DPYD: variants seen among roughly 807,000 people sequenced by gnomAD.
The protein encoded by DPYD is dihydropyrimidine dehydrogenase [NADP(+)].
DPYD carries 109 observed loss-of-function variants against 116.2 expected under a neutral mutation model. The observed-to-expected ratio is 0.94, with a 90% CI of 0.80 to 1.10. The LOEUF (loss-of-function observed/expected upper bound fraction) is 1.10, where lower values mean the gene tolerates loss of function less well. Ranked by LOEUF, DPYD falls within the 50% of genes least tolerant of loss-of-function variation. The pLI, the probability that DPYD is intolerant of heterozygous loss-of-function variation, is 0.00. For missense variants in DPYD, 1,302 were observed against 1,254.5 expected, an observed-to-expected ratio of 1.04 and a Z score of -0.57; for synonymous variants, 440 against 432.0, an observed-to-expected ratio of 1.02 and a Z score of -0.23.
At chr1:97,442,554 AAAG>A (rs1485424764) in intron 14 of DPYD, among the ~76,000 whole-genome samples, 1 of 151,986 alleles carries the variant, frequency 6.6e-6, no homozygotes, top group Non-Finnish European at 1.5e-5. Context: ...GATACCAAGA[AAAG>A]AACTCACTAT....
intron 2 of DPYD, among the ~76,000 whole-genome samples, chr1:97,839,804 T>C (rs2101529845): frequency 6.6e-6 from 1 of 152,290 alleles, no homozygotes; most frequent in South Asian, 2.1e-4. Context: ...TAATTCACAA[T>C]CCACTAGCAA....
intron 16 of DPYD, among the ~76,000 whole-genome samples, chr1:97,324,024 G>A (rs1461898881): frequency 6.6e-6 from 1 of 151,948 alleles, no homozygotes; most frequent in Non-Finnish European, 1.5e-5. Flanking sequence ...TGGTTAAATT[G>A]TATTTGTGGT....
At chr1:97,638,737 T>TGA (rs1657711173) in intron 8 of DPYD, among the ~76,000 whole-genome samples, 3 of 151,904 alleles carry the variant, frequency 2.0e-5, no homozygotes, top group Admixed American at 6.6e-5. Flanking sequence ...TGTCACACGG[T>TGA]GAGAGAGAGA....
At chr1:97,454,062 T>C (rs901210815) in intron 13 of DPYD, among the ~76,000 whole-genome samples, 4 of 152,150 alleles carry the variant, frequency 2.6e-5, no homozygotes, top group East Asian at 1.9e-4. Flanking sequence ...GTTAGCATCA[T>C]AGAAATTCAA....
intron 7 of DPYD, among the ~76,000 whole-genome samples, chr1:97,681,752 A>C (rs1226855856): frequency 1.3e-5 from 2 of 152,146 alleles, no homozygotes; most frequent in Non-Finnish European, 2.9e-5. Context: ...TTGTTTTATG[A>C]ATCAAATACC....
intron 3 of DPYD, among the ~76,000 whole-genome samples, chr1:97,767,320 C>G (rs1393820401): frequency 6.6e-6 from 1 of 152,112 alleles, no homozygotes; most frequent in Non-Finnish European, 1.5e-5. Context: ...TTTTTTTACC[C>G]TTCCCTGTAT....
chr1:97,699,619 T>C, intron 5 of DPYD, 72 bp from the exon 6 acceptor site: 1 of 1,441,804 alleles, frequency 6.9e-7, no homozygotes, highest in Non-Finnish European at 9.7e-7. Flanking sequence ...TTTTAATGTT[T>C]CAAACGAATT....
intron 5 of DPYD, chr1:97,720,425 G>A (rs745784340): frequency 5.5e-5 from 54 of 985,912 alleles, no homozygotes; most frequent in Admixed American, 6.2e-5. Context: ...ATCATACTTC[G>A]TAGTGGTCAG....
intron 15 of DPYD, among the ~76,000 whole-genome samples, chr1:97,378,472 G>A (rs1159254970): frequency 6.6e-6 from 1 of 152,096 alleles, no homozygotes; most frequent in Non-Finnish European, 1.5e-5. Context: ...GTGGTCACTT[G>A]GTTTTAATGC....
At chr1:97,758,933 T>C (rs1171499774) in intron 3 of DPYD, among the ~76,000 whole-genome samples, 2 of 152,204 alleles carry the variant, frequency 1.3e-5, no homozygotes, top group Non-Finnish European at 2.9e-5. Context: ...CTAAGCCACT[T>C]AATCTTTCTA....
chr1:97,806,809 C>T (rs1272037496), intron 3 of DPYD, among the ~76,000 whole-genome samples: 1 of 151,884 alleles, frequency 6.6e-6, no homozygotes, highest in Non-Finnish European at 1.5e-5. Flanking sequence ...TCCTCTGTGC[C>T]TCACCTATTC....
intron 18 of DPYD, among the ~76,000 whole-genome samples, chr1:97,263,542 G>A (rs943973941): frequency 1.3e-5 from 2 of 152,054 alleles, no homozygotes; most frequent in Non-Finnish European, 2.9e-5. Context: ...GTGAGGTTTT[G>A]AAGCTTATAT....
intron 5 of DPYD, among the ~76,000 whole-genome samples, chr1:97,701,910 T>G (rs1384890697): frequency 6.6e-6 from 1 of 151,770 alleles, no homozygotes; most frequent in South Asian, 2.1e-4. Flanking sequence ...ATATTCAGTG[T>G]TTTTATACAT....
chr1:97,625,430 A>G (rs1490674655), intron 8 of DPYD, among the ~76,000 whole-genome samples: 3 of 152,046 alleles, frequency 2.0e-5, no homozygotes. Flanking sequence ...TGATGACAGA[A>G]TGACTATAGA....
chr1:97,520,019 C>A, intron 12 of DPYD, among the ~76,000 whole-genome samples: 1 of 152,182 alleles, frequency 6.6e-6, no homozygotes, highest in South Asian at 2.1e-4. Context: ...GCATTAACTT[C>A]CCCATATTTT....
intron 13 of DPYD, among the ~76,000 whole-genome samples, chr1:97,472,000 A>T (rs1015841118): frequency 2.0e-5 from 3 of 152,230 alleles, no homozygotes; most frequent in Non-Finnish European, 2.9e-5. Flanking sequence ...ACTTAAAGAC[A>T]GGTCATATGA....
chr1:97,216,577 T>G (rs1279991765), intron 19 of DPYD, among the ~76,000 whole-genome samples: 2 of 152,010 alleles, frequency 1.3e-5, no homozygotes, highest in Admixed American at 6.6e-5. Flanking sequence ...GCAAATCACT[T>G]GAGGTCAGGA....
At chr1:97,628,316 G>T (rs1466106711) in intron 8 of DPYD, among the ~76,000 whole-genome samples, 1 of 151,822 alleles carries the variant, frequency 6.6e-6, no homozygotes, top group Non-Finnish European at 1.5e-5. Flanking sequence ...TGATTTCAAG[G>T]CAACTCAAAC....
At chr1:97,862,620 A>G (rs1464855850) in intron 2 of DPYD, among the ~76,000 whole-genome samples, 1 of 151,886 alleles carries the variant, frequency 6.6e-6, no homozygotes, top group Non-Finnish European at 1.5e-5. Flanking sequence ...CACTGTGCAC[A>G]CTGTGTGATA....
Sources: allele counts gnomAD v4.1 joint callset (sites outside exome capture counted in the v4.1 genomes callset), GRCh38; gene constraint gnomAD v4.1.1; transcripts MANE v1.5; gene names NCBI Gene and HGNC (gene_info 2026-07-23, HGNC 2026-07-21).